The following ARL15 variants were observed in gnomAD, a reference collection of about 807,000 sequenced individuals.
ARL15 encodes the protein ARF like GTPase 15, also known as ADP-ribosylation factor-like protein 15.
ARL15 carries 19 observed loss-of-function variants against 25.2 expected under a neutral mutation model. The ratio of observed to expected loss-of-function variants is 0.75; its 90% CI spans 0.53 to 1.10. The LOEUF (loss-of-function observed/expected upper bound fraction) is 1.10. Among genes scored for constraint, ARL15 ranks in the 50% least tolerant of loss-of-function variants. The pLI is 0.00. For missense variants in ARL15, 220 were observed against 246.0 expected (o/e 0.89, Z 0.71); for synonymous variants, 94 against 86.8 (o/e 1.08, Z -0.46).
At chr5:54,135,267 T>C (rs191013279) in intron 3 of ARL15, among the ~76,000 whole-genome samples, 2 of 152,288 alleles carry the variant, frequency 1.3e-5, no homozygotes, top group Admixed American at 1.3e-4. Flanking sequence ...ATTCGTGTTG[T>C]TGGCATGAAA....
At chr5:54,214,658 C>A (rs1756131030) in intron 1 of ARL15, among the ~76,000 whole-genome samples, 1 of 152,164 alleles carries the variant, frequency 6.6e-6, no homozygotes, top group South Asian at 2.1e-4. Context: ...AAGACGCACA[C>A]CATGTTTAAC....
At chr5:54,220,305 C>T (rs1012221967) in intron 1 of ARL15, among the ~76,000 whole-genome samples, 1 of 152,164 alleles carries the variant, frequency 6.6e-6, no homozygotes, top group African/African-American at 2.4e-5. Context: ...TTTATCTCCA[C>T]TCCCCTCCCC....
intron 4 of ARL15, among the ~76,000 whole-genome samples, chr5:54,077,095 C>T (rs1004228044): frequency 6.6e-6 from 1 of 152,002 alleles, no homozygotes; most frequent in Non-Finnish European, 1.5e-5. Flanking sequence ...TTAAGAGTAC[C>T]GTTAAATTTT....
In ARL15 at chr5:54,076,290, A is replaced by G. The variant is rs868032742; in HGVS notation, c.462+36912T>C. Reference sequence around the variant, plus strand: ...AAAAAAATTAGCTGTGCATGGTGGCAGGCGCCTGTAGTTCCAGGTATTCGG... The same window carrying G: ...AAAAAAATTAGCTGTGCATGGTGGCGGGCGCCTGTAGTTCCAGGTATTCGG... On this transcript the variant is annotated intron_variant, in intron 4 of 4. Transcript: ENST00000504924. Among the ~76,000 whole-genome samples, 19 of 150,788 alleles carry G rather than the reference A, an allele frequency of 1.3e-4. No homozygotes were observed. The South Asian group carries it at 3.3e-3, about 26-fold the overall frequency.
chr5:54,307,858 T>G (rs1381736233), intron 1 of ARL15: 1 of 152,156 alleles, frequency 6.6e-6, no homozygotes, highest in Admixed American at 6.5e-5. Flanking sequence ...CACACCATCA[T>G]TCTTGTCAGT....
intron 4 of ARL15, among the ~76,000 whole-genome samples, chr5:54,077,367 A>G (rs1244611253): frequency 6.6e-6 from 1 of 152,234 alleles, no homozygotes; most frequent in Non-Finnish European, 1.5e-5. Flanking sequence ...ACAGTTCATT[A>G]AACTTTTCAG....
chr5:54,218,197 G>A lies in ARL15; in HGVS notation c.49-46269C>T, dbSNP rs554208669. ...AAGAAGTAACATTCAGATTGGCCAC[G>A]GTTTTACCTCTGACTTTTAAAGACT... is the stretch of plus-strand genomic sequence containing the variant. On this transcript the variant is annotated intron_variant, in intron 1 of 4. Transcript: ENST00000504924. Among the ~76,000 whole-genome samples the A allele has an allele frequency of 6.4e-4, 98 of 152,084 alleles. 2 individuals are homozygous for A. The South Asian group carries it at 0.018, about 28-fold the overall frequency.
intron 1 of ARL15, among the ~76,000 whole-genome samples, chr5:54,297,376 CT>C (rs1260888785): frequency 6.6e-6 from 1 of 152,240 alleles, no homozygotes; most frequent in Non-Finnish European, 1.5e-5. Context: ...AGGCCAAGGC[CT>C]TTCCAACAGG....
At chr5:54,054,026 G>A (rs1047801518) in intron 4 of ARL15, among the ~76,000 whole-genome samples, 9 of 152,102 alleles carry the variant, frequency 5.9e-5, no homozygotes, top group African/African-American at 2.2e-4. Context: ...TAATAATTCT[G>A]TATATCTAAA....
Position 54,169,858 on chromosome 5 carries a change from T to G in ARL15, c.193+1926A>C, listed in dbSNP as rs539646744. ...CAGCTTCCTGCAAAGAGGCTACACA[T>G]GAGCTCTGCTAATCTTCTCTGGGGT... On this transcript the variant is annotated intron_variant, in intron 2 of 4. Coordinates refer to ENST00000504924, the MANE Select transcript of ARL15 (RefSeq NM_019087.3). Among the ~76,000 whole-genome samples the G allele has an allele frequency of 8.5e-5, 13 of 152,232 alleles. No individual in the cohort carries two copies. In the South Asian group the frequency reaches 2.3e-3, roughly 27 times the overall value.
chr5:54,310,215 C>T (rs967058774), intron 1 of ARL15: 12 of 534,350 alleles, frequency 2.2e-5, no homozygotes, highest in Non-Finnish European at 3.3e-5. Flanking sequence ...GCCGTGCTGG[C>T]CCAGGCCGCA....
intron 4 of ARL15, among the ~76,000 whole-genome samples, chr5:53,990,248 TAA>T (rs11349650): frequency 6.6e-6 from 1 of 150,556 alleles, no homozygotes; most frequent in East Asian, 2.0e-4. Context: ...AAAAAATAGT[TAA>T]AAAAAAACAC....
At chr5:54,076,010 A>C (rs969278138) in intron 4 of ARL15, among the ~76,000 whole-genome samples, 3 of 152,176 alleles carry the variant, frequency 2.0e-5, no homozygotes, top group African/African-American at 7.2e-5. Flanking sequence ...GTATCTGAAT[A>C]AGTGTGTGTG....
intron 3 of ARL15, among the ~76,000 whole-genome samples, chr5:54,127,373 AACAG>A (rs1753292376): frequency 6.6e-6 from 1 of 152,180 alleles, no homozygotes; most frequent in African/African-American, 2.4e-5. Context: ...ATACACCAAT[AACAG>A]ACAAACAGAG....
chr5:54,178,929 G>A (rs557229614), intron 1 of ARL15, among the ~76,000 whole-genome samples: 16 of 152,260 alleles, frequency 1.1e-4, no homozygotes, highest in Non-Finnish European at 2.1e-4. Flanking sequence ...TGGGAGGGGC[G>A]GGTGTCCTAG....
intron 4 of ARL15, among the ~76,000 whole-genome samples, chr5:54,050,680 T>C (rs560236217): frequency 2.0e-5 from 3 of 152,320 alleles, no homozygotes; most frequent in African/African-American, 7.2e-5. Context: ...TATTTTAAAA[T>C]TTCATGATCA....
At chr5:54,225,945 C>A (rs1040510561) in intron 1 of ARL15, among the ~76,000 whole-genome samples, 2 of 152,048 alleles carry the variant, frequency 1.3e-5, no homozygotes, top group African/African-American at 2.4e-5. Flanking sequence ...GAAGAAGGAT[C>A]GAAAACTAAA....
chr5:54,213,488 AAC>A (rs1299389165), intron 1 of ARL15, among the ~76,000 whole-genome samples: 1 of 152,206 alleles, frequency 6.6e-6, no homozygotes, highest in Non-Finnish European at 1.5e-5. Context: ...AATTAATCAA[AAC>A]ACAGTCAGGA....
chr5:54,004,052 C>T (rs1445930066), intron 4 of ARL15, among the ~76,000 whole-genome samples: 2 of 152,210 alleles, frequency 1.3e-5, no homozygotes, highest in Non-Finnish European at 2.9e-5. Context: ...TTTTGCACTT[C>T]CATAGGAAAC....
Sources: gnomAD v4.1 joint callset for allele counts (sites outside exome capture counted in the v4.1 genomes callset) on GRCh38, gnomAD v4.1.1 for gene constraint, MANE v1.5 for transcripts, NCBI Gene and HGNC (gene_info 2026-07-23, HGNC 2026-07-21) for gene names.